Variants in GOLM2 observed in about 807,000 individuals in gnomAD.
GOLM2 encodes protein GOLM2.
In GOLM2, 26 loss-of-function variants were observed where a neutral mutation model predicts 55.9. That is an observed-to-expected ratio of 0.47 (90% CI 0.34 to 0.65). GOLM2 has a LOEUF of 0.65. GOLM2 is among the 30% of genes least tolerant of loss of function. The pLI is 0.01. For missense variants in GOLM2, 486 were observed against 531.8 expected (o/e 0.91, Z 0.85); for synonymous variants, 165 against 194.6 (o/e 0.85, Z 1.27).
At chr15:44,365,422 G>C (rs1375838550) in intron 6 of GOLM2, among the ~76,000 whole-genome samples, 1 of 152,166 alleles carries the variant, frequency 6.6e-6, no homozygotes, top group East Asian at 1.9e-4. Context: ...AGCTACCCAG[G>C]ACGCTGAGGT....
chr15:44,295,196 C>T (rs1218143779), intron 1 of GOLM2, among the ~76,000 whole-genome samples: 1 of 152,060 alleles, frequency 6.6e-6, no homozygotes, highest in Non-Finnish European at 1.5e-5. Flanking sequence ...TCTCCTGCCT[C>T]ATCCTCCTGA....
intron 2 of GOLM2, among the ~76,000 whole-genome samples, chr15:44,323,942 T>A (rs1567025467): frequency 6.6e-6 from 1 of 152,218 alleles, no homozygotes; most frequent in Non-Finnish European, 1.5e-5. Context: ...GTTGATTTCC[T>A]ATTATCCATG....
chr15:44,351,503 G>A (rs2079163011), intron 6 of GOLM2, among the ~76,000 whole-genome samples: 1 of 149,448 alleles, frequency 6.7e-6, no homozygotes, highest in Non-Finnish European at 1.5e-5. Flanking sequence ...CGTGAACCCG[G>A]GAGGCACAGC....
chr15:44,301,181 A>G (rs2078795034), intron 1 of GOLM2, among the ~76,000 whole-genome samples: 1 of 152,254 alleles, frequency 6.6e-6, no homozygotes, highest in South Asian at 2.1e-4. Context: ...CCTGGCCTCA[A>G]GTGATCCTCC....
intron 1 of GOLM2, among the ~76,000 whole-genome samples, chr15:44,319,770 G>A (rs552874715): frequency 6.6e-6 from 1 of 151,948 alleles, no homozygotes; most frequent in Non-Finnish European, 1.5e-5. Context: ...TGTATTTTTT[G>A]TAGAGAGGGG....
At chr15:44,316,483 C>T (rs1156580447) in intron 1 of GOLM2, among the ~76,000 whole-genome samples, 3 of 152,106 alleles carry the variant, frequency 2.0e-5, no homozygotes, top group Non-Finnish European at 2.9e-5. Context: ...TGGCCCGGCG[C>T]GGTGGCTCAC....
intron 8 of GOLM2, among the ~76,000 whole-genome samples, chr15:44,398,260 T>A (rs569600293): frequency 2.0e-5 from 3 of 152,364 alleles, no homozygotes; most frequent in African/African-American, 7.2e-5. Flanking sequence ...TACTTATCTG[T>A]TTTCCTTACT....
chr15:44,356,055 C>T (rs1236958797), intron 6 of GOLM2, among the ~76,000 whole-genome samples: 1 of 151,408 alleles, frequency 6.6e-6, no homozygotes, highest in Non-Finnish European at 1.5e-5. Flanking sequence ...CACTACTTAT[C>T]AAAATTTATA....
In GOLM2 at chr15:44,408,860, A is replaced by G. The variant is rs550070044; in HGVS notation, c.1241-4476A>G. Among the ~76,000 whole-genome samples the G allele has an allele frequency of 3.3e-5, 5 of 152,280 alleles. No homozygotes were observed. The South Asian group carries it at 1.0e-3, about 32-fold the overall frequency. ...GAGCCTGTAGTCCCAGCTACTGGGG[A>G]GCCTGAGGCAGGAGAATGGTGTGAA... On this transcript the variant is annotated intron_variant, in intron 9 of 9. Transcript: ENST00000299957.
At chr15:44,351,278 A>G (rs2079160736) in intron 6 of GOLM2, among the ~76,000 whole-genome samples, 1 of 152,060 alleles carries the variant, frequency 6.6e-6, no homozygotes, top group Non-Finnish European at 1.5e-5. Flanking sequence ...GAGCAATCAG[A>G]CGAAAGAAAG....
chr15:44,324,472 G>A (rs959200657), intron 2 of GOLM2, among the ~76,000 whole-genome samples: 8 of 152,060 alleles, frequency 5.3e-5, no homozygotes, highest in Admixed American at 1.3e-4. Context: ...TCAATAATGT[G>A]ACTTTTGCAA....
intron 1 of GOLM2, among the ~76,000 whole-genome samples, chr15:44,302,068 G>A (rs1402817887): frequency 1.3e-5 from 2 of 152,056 alleles, no homozygotes; most frequent in South Asian, 4.1e-4. Context: ...TACAAGACTG[G>A]ATTCAGATTG....
In GOLM2 at chr15:44,356,500, A is replaced by G. The variant is rs1018148268; in HGVS notation, c.802+18183A>G. Reference sequence around the variant, plus strand: ...CTAGATGAACTAGACCACTTCCTTGATAGACACAGTCTGCCAGCTCTACAA... The same window carrying G: ...CTAGATGAACTAGACCACTTCCTTGGTAGACACAGTCTGCCAGCTCTACAA... On this transcript the variant is annotated intron_variant, in intron 6 of 9. Coordinates refer to ENST00000299957, the MANE Select transcript of GOLM2 (RefSeq NM_138423.4). Among the ~76,000 whole-genome samples the G allele has an allele frequency of 3.9e-5, 6 of 152,212 alleles. No homozygotes were observed. The East Asian group carries it at 1.2e-3, about 29-fold the overall frequency.
In GOLM2 at chr15:44,343,018, C is replaced by G. The variant is rs143750107; in HGVS notation, c.802+4701C>G. ...AAAACACTTAGAACAGTGCCTGGCA[C>G]ATAGCAAGTGCTATATATATCTTAG... On this transcript the variant is annotated intron_variant, in intron 6 of 9. Transcript: ENST00000299957. 1.4e-3 allele frequency among the ~76,000 whole-genome samples: 206 copies of G among 152,298 alleles called. 1 individual carries two copies. Among genetic ancestry groups the G allele is most frequent in the African/African-American group, 4.7e-3 (197 of 41,580 alleles).
Position 44,335,045 on chromosome 15 carries a change from A to T in GOLM2, c.577-2718A>T, listed in dbSNP as rs2079047384. Among the ~76,000 whole-genome samples, 4 of 152,208 alleles carry T rather than the reference A, an allele frequency of 2.6e-5. No individual in the cohort carries two copies. In the South Asian group the frequency reaches 8.3e-4, roughly 32 times the overall value. On this transcript the variant is annotated intron_variant, in intron 4 of 9. Coordinates refer to ENST00000299957, the MANE Select transcript of GOLM2 (RefSeq NM_138423.4). ...ACTACATCTCAAAAATTAAAAAATT[A>T]AAAAATTAAAATAAATGCAGTGTAG...
chr15:44,311,431 G>C (rs2078874409), intron 1 of GOLM2, among the ~76,000 whole-genome samples: 1 of 151,848 alleles, frequency 6.6e-6, no homozygotes, highest in African/African-American at 2.4e-5. Flanking sequence ...TTTTTCAAAT[G>C]AAATTCAGGA....
intron 1 of GOLM2, among the ~76,000 whole-genome samples, chr15:44,313,675 T>C (rs2078889153): frequency 6.6e-6 from 1 of 152,224 alleles, no homozygotes; most frequent in Non-Finnish European, 1.5e-5. Flanking sequence ...AAATGTTTCT[T>C]TGTGACTGGC....
chr15:44,326,654 GT>G (rs1163555111), intron 2 of GOLM2, among the ~76,000 whole-genome samples: 155 of 133,484 alleles, frequency 1.2e-3, no homozygotes, highest in South Asian at 3.4e-3. Flanking sequence ...TTTATTTATA[GT>G]TTTTTTTTTT....
intron 6 of GOLM2, among the ~76,000 whole-genome samples, chr15:44,345,303 C>T (rs990665384): frequency 2.0e-5 from 3 of 150,126 alleles, no homozygotes; most frequent in African/African-American, 4.9e-5. Flanking sequence ...GACAGAGTCT[C>T]GCTGTGTCGC....
Sources: allele counts gnomAD v4.1 joint callset (sites outside exome capture counted in the v4.1 genomes callset), GRCh38; gene constraint gnomAD v4.1.1; transcripts MANE v1.5; gene names NCBI Gene and HGNC (gene_info 2026-07-23, HGNC 2026-07-21).